The following TNNI3K variants were observed in gnomAD, a reference collection of about 807,000 sequenced individuals.
TNNI3K encodes the protein serine/threonine-protein kinase TNNI3K.
A neutral mutation model predicts 114.5 loss-of-function variants in TNNI3K; 140 were observed. That is an observed-to-expected ratio of 1.22 (90% confidence interval 1.07 to 1.41). The LOEUF is 1.41. TNNI3K is among the 40% of genes most tolerant of loss of function. TNNI3K has a pLI of 0.00. For missense variants in TNNI3K, 1,125 were observed against 1,007.6 expected (o/e 1.12, Z -1.58); for synonymous variants, 347 against 347.5 (o/e 1.00, Z 0.02).
chr1:74,492,438 T>C (rs1369268713), intron 23 of TNNI3K, among the ~76,000 whole-genome samples, 172 bp downstream of exon 23: 1 of 152,212 alleles, frequency 6.6e-6, no homozygotes, highest in Non-Finnish European at 1.5e-5. Context: ...GAAATTTTAT[T>C]ATCTGTTAGC....
intron 4 of TNNI3K, among the ~76,000 whole-genome samples, 175 bp from the exon 5 acceptor site, chr1:74,271,423 C>A (rs1656338923): frequency 1.3e-5 from 2 of 151,906 alleles, no homozygotes; most frequent in South Asian, 4.1e-4. Flanking sequence ...GTCCTACTTT[C>A]CACCATCTGA....
intron 23 of TNNI3K, among the ~76,000 whole-genome samples, chr1:74,520,415 C>A (rs1256698847): frequency 1.3e-5 from 2 of 152,044 alleles, no homozygotes; most frequent in Non-Finnish European, 2.9e-5. Context: ...CTCTCTGTGA[C>A]TCCATGGATT....
At chr1:74,263,057 A>G (rs1268179086) in intron 4 of TNNI3K, among the ~76,000 whole-genome samples, 3 of 152,104 alleles carry the variant, frequency 2.0e-5, no homozygotes, top group Admixed American at 6.6e-5. Flanking sequence ...ATGGGAAGTA[A>G]AACTCAAGAC....
At chr1:74,434,503 A>G (rs1032387416) in intron 17 of TNNI3K, among the ~76,000 whole-genome samples, 2 of 151,902 alleles carry the variant, frequency 1.3e-5, no homozygotes, top group Non-Finnish European at 2.9e-5. Flanking sequence ...ACATATTTAT[A>G]CACTTACTAA....
chr1:74,254,343 GTT>G lies in TNNI3K; in HGVS notation c.333+3577_333+3578del, dbSNP rs1655144187. Among the ~76,000 whole-genome samples the G allele has an allele frequency of 2.0e-5, 3 of 152,058 alleles. No individual in the cohort carries two copies. The South Asian group carries it at 6.2e-4, about 31-fold the overall frequency. ...ATGATAATCTATAGTTCAAATTCAA[GTT>G]TTATCAATTGTCCCAATTGTGTCAT... On this transcript the variant is annotated intron_variant, in intron 4 of 24. Coordinates refer to ENST00000326637, the MANE Select transcript of TNNI3K (RefSeq NM_015978.3).
intron 17 of TNNI3K, among the ~76,000 whole-genome samples, chr1:74,406,522 C>G (rs1014798464): frequency 6.6e-6 from 1 of 152,132 alleles, no homozygotes; most frequent in Non-Finnish European, 1.5e-5. Flanking sequence ...TTAAATCTCC[C>G]TAACATACTT....
chr1:74,297,522 C>CATGTGTGTGTGTGT (rs1553128510), intron 5 of TNNI3K, among the ~76,000 whole-genome samples: 38 of 145,460 alleles, frequency 2.6e-4, no homozygotes, highest in African/African-American at 9.6e-4. Flanking sequence ...TGTGTGTGTG[C>CATGTGTGTGTGTGT]GTGTGTGTGT....
chr1:74,416,963 C>T (rs537406700), intron 17 of TNNI3K, among the ~76,000 whole-genome samples: 12 of 151,940 alleles, frequency 7.9e-5, no homozygotes, highest in Non-Finnish European at 1.8e-4. Flanking sequence ...AGGGTGTCTC[C>T]AGCTTTTACT....
chr1:74,238,757 G>A (rs570562702), intron 2 of TNNI3K, among the ~76,000 whole-genome samples: 1 of 152,114 alleles, frequency 6.6e-6, no homozygotes, highest in East Asian at 1.9e-4. Flanking sequence ...GCCTGATGCT[G>A]ATGACATTAA....
rs61729312 is a variant in TNNI3K at position 74,480,427 on chromosome 1, G to A, written c.2122-8762G>A. 1,463 of 717,552 alleles carry A rather than the reference G, an allele frequency of 2.0e-3. 18 individuals are homozygous for A. In the African/African-American group the frequency reaches 0.022, roughly 11 times the overall value. 44.4% of individuals were successfully genotyped at this position (717,552 alleles called of 1,614,324 possible). ...TGCAGCTCCACTGGTTCTTATCTAA[G>A]CTCAGAAGGATTAACTGCTTCAGTG... On this transcript the variant is annotated intron_variant, in intron 21 of 24. Transcript: ENST00000326637.
At chr1:74,442,521 G>A (rs995074907) in intron 20 of TNNI3K, among the ~76,000 whole-genome samples, 2 of 151,990 alleles carry the variant, frequency 1.3e-5, no homozygotes, top group Non-Finnish European at 1.5e-5. Context: ...TGATTCGATT[G>A]TATTGAATTA....
At chr1:74,253,178 G>A (rs1557451449) in intron 4 of TNNI3K, among the ~76,000 whole-genome samples, 1 of 152,122 alleles carries the variant, frequency 6.6e-6, no homozygotes. Flanking sequence ...CAAACGTTGA[G>A]CTAGATACAG....
At chr1:74,478,525 C>T (rs1018376280) in intron 21 of TNNI3K, among the ~76,000 whole-genome samples, 2 of 152,096 alleles carry the variant, frequency 1.3e-5, no homozygotes, top group African/African-American at 4.8e-5. Context: ...ATTTCCAAAA[C>T]GATGTCCTCT....
chr1:74,452,777 T>TCCCCG (rs776754926), intron 20 of TNNI3K, among the ~76,000 whole-genome samples: 17 of 152,178 alleles, frequency 1.1e-4, no homozygotes, highest in Non-Finnish European at 2.4e-4. Flanking sequence ...TGTCCCTGCC[T>TCCCCG]GCCTCCCCGG....
intron 5 of TNNI3K, among the ~76,000 whole-genome samples, chr1:74,309,798 G>T (rs577964012): frequency 1.9e-4 from 29 of 152,218 alleles, no homozygotes; most frequent in African/African-American, 7.0e-4. Context: ...AGGCATTGAA[G>T]AAACTTACTT....
At chr1:74,245,615 A>C (rs1291230125) in intron 2 of TNNI3K, among the ~76,000 whole-genome samples, 2 of 152,218 alleles carry the variant, frequency 1.3e-5, no homozygotes, top group East Asian at 3.8e-4. Context: ...CTTGAAAGGT[A>C]CTATAAATTC....
chr1:74,531,555 T>C (rs1646583817), intron 23 of TNNI3K, among the ~76,000 whole-genome samples: 1 of 152,214 alleles, frequency 6.6e-6, no homozygotes, highest in African/African-American at 2.4e-5. Context: ...TAAATAGATC[T>C]GTTTTCAGCT....
At position 74,543,949 on chromosome 1, in the gene TNNI3K, C is replaced by A. The variant is rs1646758056; in HGVS notation, c.2475C>A (p.Cys825Ter). ...DPMSSMHFHSCRNSSSFEDSS is the reference protein window; with the variant it reads ...DPMSSMHFHS ...TGAGCTCAATGCATTTTCATTCTTG[C>A]CGAAATAGTAGCAGCTTTGAGGACA... The change falls in exon 25 of 25, where the codon TGC becomes TGA. Residue 825 changes from cysteine (C) to a stop codon, truncating the protein, a stop_gained. Transcript: ENST00000326637. LOFTEE classifies it high-confidence loss of function. The A allele has an allele frequency of 6.2e-7, 1 of 1,613,154 alleles. No individual in the cohort carries two copies. The highest frequency in any genetic ancestry group is 1.3e-5 in the African/African-American group (1 of 74,858).
intron 20 of TNNI3K, among the ~76,000 whole-genome samples, chr1:74,460,294 C>T (rs957737940): frequency 6.6e-6 from 1 of 151,998 alleles, no homozygotes; most frequent in Non-Finnish European, 1.5e-5. Context: ...GTCTCAATCT[C>T]CTGACCTCGT....
Sources: allele counts gnomAD v4.1 joint callset (sites outside exome capture counted in the v4.1 genomes callset), GRCh38; gene constraint gnomAD v4.1.1; transcripts MANE v1.5; gene names NCBI Gene and HGNC (gene_info 2026-07-23, HGNC 2026-07-21).